RAB40A: variants seen among roughly 807,000 people sequenced by gnomAD.
RAB40A encodes RAB40A, member RAS oncogene family, also known as ras-related protein Rab-40A.
For missense variants in RAB40A, 145 were observed against 230.2 expected (o/e 0.63, Z 2.40); for synonymous variants, 65 against 99.9 (o/e 0.65, Z 2.08).
rs180998024 is a variant in RAB40A at position 103,514,587 on chromosome X, G to C, written c.-71+2787C>G. ...GCTGGTCTCAAACTCCTGGTCTCAA[G>C]TGATCCACCCGTCTCAACCTCCCAG... On this transcript the variant is annotated intron_variant, in intron 2 of 2. Transcript: ENST00000304236. Among the ~76,000 whole-genome samples, 5 of 111,571 alleles carry C rather than the reference G, an allele frequency of 4.5e-5. No homozygotes were observed. In the Admixed American group the frequency reaches 4.7e-4, roughly 11 times the overall value.
intron 1 of RAB40A, among the ~76,000 whole-genome samples, chrX:103,518,999 T>G (rs971113213): frequency 2.7e-5 from 3 of 111,464 alleles, no homozygotes; most frequent in African/African-American, 9.8e-5. Flanking sequence ...GATGGGAAAT[T>G]TTATAATGGA....
In RAB40A at chrX:103,500,188, A is replaced by G. The variant is rs2073215181; in HGVS notation, c.569T>C (p.Leu190Pro). The stretch of plus-strand genomic sequence containing the variant: ...GCGGCAGCAGAGGTCTTGCAAGCTC[A>G]GTACCTTGCTCGGCCTCCCGAGCCA... ...MNWLGRPSKVLSLQDLCCRTI... is the reference protein window; with the variant it reads ...MNWLGRPSKVPSLQDLCCRTI... The change falls in exon 3 of 3, where the codon CTG becomes CCG. Residue 190 changes from leucine (L) to proline (P), a missense_variant. Leu to Pro is a moderately conservative substitution (Grantham distance 98, BLOSUM62 -3). Coordinates refer to ENST00000304236, the MANE Select transcript of RAB40A (RefSeq NM_080879.3). The G allele has an allele frequency of 2.5e-6, 3 of 1,211,830 alleles. No individual in the cohort carries two copies. Among genetic ancestry groups the G allele is most frequent in the Non-Finnish European group, 3.4e-6 (3 of 895,348 alleles).
At chrX:103,502,771 CTT>C (rs2073235466) in intron 2 of RAB40A, 7 of 760,032 alleles carry the variant, frequency 9.2e-6, no homozygotes, top group Non-Finnish European at 9.5e-6. Context: ...GGGAAGGTGA[CTT>C]AGGCTCTGAA....
At chrX:103,497,363 GGATGGATGGATGGACA>G (rs1448093654), downstream of RAB40A, among the ~76,000 whole-genome samples, 1 of 111,193 alleles carries the variant, frequency 9.0e-6, no homozygotes, top group Non-Finnish European at 1.9e-5. Context: ...ATGGATGGAT[GGATGGATGGATGGACA>G]GATGGATGGA....
In RAB40A at chrX:103,500,684, C is replaced by G; in HGVS notation, c.73G>C (p.Val25Leu). Residue 25 changes from valine (V) to leucine (L), a missense_variant, in exon 3 of 3, where the codon GTA (valine) becomes CTA (leucine). Transcript: ENST00000304236. ...CTCTCCAGGATCTCACTCTTGCCTA[C>G]GTCCCTGTCGCCCACCAGCAGGAAC... ...LKFLLVGDRDVGKSEILESLQ... is the reference protein window; with the variant it reads ...LKFLLVGDRDLGKSEILESLQ... 15 of 1,210,978 alleles carry G rather than the reference C, an allele frequency of 1.2e-5. No homozygotes were observed. Among genetic ancestry groups the G allele is most frequent in the Non-Finnish European group, 1.6e-5 (14 of 895,329 alleles).
downstream of RAB40A, among the ~76,000 whole-genome samples, chrX:103,494,750 G>C (rs185750090): frequency 1.5e-3 from 164 of 111,620 alleles, no homozygotes; most frequent in African/African-American, 5.0e-3. Flanking sequence ...TTGTTTCTGG[G>C]TTCTTTATTC....
chrX:103,504,662 T>C (rs2073245789), intron 2 of RAB40A, among the ~76,000 whole-genome samples: 1 of 111,205 alleles, frequency 9.0e-6, no homozygotes, highest in Non-Finnish European at 1.9e-5. Context: ...CCTGGGATTA[T>C]AGGCATGCGC....
intron 1 of RAB40A, among the ~76,000 whole-genome samples, chrX:103,518,652 T>C (rs1024596896): frequency 6.3e-5 from 7 of 111,651 alleles, no homozygotes; most frequent in Admixed American, 1.9e-4. Flanking sequence ...CATTATAATA[T>C]AAAAACTTCT....
At chrX:103,495,748 CTT>C (rs1451469085), downstream of RAB40A, among the ~76,000 whole-genome samples, 1 of 111,774 alleles carries the variant, frequency 8.9e-6, no homozygotes, top group Non-Finnish European at 1.9e-5. Context: ...TGTTTCCACT[CTT>C]TGGCTATTTT....
intron 1 of RAB40A, among the ~76,000 whole-genome samples, chrX:103,518,793 C>T (rs1275638688): frequency 9.0e-6 from 1 of 111,717 alleles, no homozygotes; most frequent in East Asian, 2.8e-4. Context: ...AAGAATTAGG[C>T]ACTCATCCAA....
At position 103,500,685 on chromosome X, in the gene RAB40A, G is replaced by A. The variant is rs1242709403; in HGVS notation, c.72C>T (p.Asp24=). ...TCTCCAGGATCTCACTCTTGCCTAC[G>A]TCCCTGTCGCCCACCAGCAGGAACT... The part of the protein sequence containing the change: ...LLKFLLVGDR[D]VGKSEILESL... Residue 24 remains aspartate, a synonymous_variant, in exon 3 of 3, where the codon GAC becomes GAT. Coordinates refer to ENST00000304236, the MANE Select transcript of RAB40A (RefSeq NM_080879.3). The A allele has an allele frequency of 4.1e-6, 5 of 1,208,707 alleles. No individual in the cohort carries two copies. In the East Asian group the frequency reaches 1.2e-4, roughly 29 times the overall value.
chrX:103,498,659 A>T (rs2073199593), downstream of RAB40A, among the ~76,000 whole-genome samples: 1 of 111,976 alleles, frequency 8.9e-6, no homozygotes, highest in Non-Finnish European at 1.9e-5. Context: ...AATTCATGAG[A>T]TAGAAAAGTA....
chrX:103,514,641 G>A (rs1405888167), intron 2 of RAB40A, among the ~76,000 whole-genome samples: 4 of 111,942 alleles, frequency 3.6e-5, no homozygotes, highest in Non-Finnish European at 3.8e-5. Context: ...GTGAGCCACT[G>A]CACCCAGCCC....
Position 103,502,893 on chromosome X carries a change from T to C in RAB40A, c.-70-2067A>G, listed in dbSNP as rs2073236215. On this transcript the variant is annotated intron_variant, in intron 2 of 2. Coordinates refer to ENST00000304236, the MANE Select transcript of RAB40A (RefSeq NM_080879.3). ...GAGAGTATACGGCATGAAGTGGGAC[T>C]TCAATGGCCCTTTAAATGCTGAGAC... The C allele has an allele frequency of 5.2e-6, 4 of 764,025 alleles. No homozygotes were observed. In the South Asian group the frequency reaches 2.0e-4, roughly 39 times the overall value. 63.0% of individuals were successfully genotyped at this position (764,025 alleles called of 1,213,427 possible).
rs768572826 is a variant in RAB40A, at chrX:103,499,891, C to G, written c.*32G>C. On this transcript the variant is annotated 3_prime_UTR_variant, in exon 3 of 3. Transcript: ENST00000304236. ...GGTGTAACCAGAGTTTTTCCTGGAG[C>G]GATTCCAGCTTGTTTCCTTTTGGTG... 1 of 1,200,924 alleles carries G rather than the reference C, an allele frequency of 8.3e-7. No individual in the cohort carries two copies. The highest frequency in any genetic ancestry group is 1.1e-6 in the Non-Finnish European group (1 of 885,604).
intron 2 of RAB40A, among the ~76,000 whole-genome samples, chrX:103,513,287 C>A (rs1196335847): frequency 9.0e-6 from 1 of 111,228 alleles, no homozygotes. Flanking sequence ...GTTGGCCAAG[C>A]AGTGACTGCC....
downstream of RAB40A, among the ~76,000 whole-genome samples, chrX:103,496,952 T>C (rs2073178818): frequency 9.0e-6 from 1 of 111,551 alleles, no homozygotes; most frequent in African/African-American, 3.3e-5. Context: ...TGGCTGTTGG[T>C]TTTGATGGGG....
chrX:103,499,622 G>A lies in RAB40A; in HGVS notation c.*301C>T, dbSNP rs1384779255. On this transcript the variant is annotated 3_prime_UTR_variant, in exon 3 of 3. Coordinates refer to ENST00000304236, the MANE Select transcript of RAB40A (RefSeq NM_080879.3). ...GTTATTTTAAGGAAAAAGTTGCAGC[G>A]TGATTATGATATAAGTAACATTCAA... is the stretch of plus-strand genomic sequence containing the variant. 1.9e-5 allele frequency: 7 copies of A among 372,890 alleles called. No homozygotes were observed. Among genetic ancestry groups the A allele is most frequent in the African/African-American group, 1.0e-4 (4 of 39,072 alleles). The allele number at this position is 372,890 out of a possible 1,213,427, so 30.7% of individuals were successfully genotyped here.
downstream of RAB40A, among the ~76,000 whole-genome samples, chrX:103,498,136 C>T (rs1020388551): frequency 9.0e-6 from 1 of 111,325 alleles, no homozygotes; most frequent in African/African-American, 3.3e-5. Context: ...TTAGTACAAC[C>T]TCTTTCAAGG....
Sources: gnomAD v4.1 joint callset for allele counts (sites outside exome capture counted in the v4.1 genomes callset) on GRCh38, gnomAD v4.1.1 for gene constraint, MANE v1.5 for transcripts, NCBI Gene and HGNC (gene_info 2026-07-23, HGNC 2026-07-21) for gene names.